The following ZNF250 variants were observed in gnomAD, a reference collection of about 807,000 sequenced individuals.
ZNF250 encodes zinc finger protein 250.
In ZNF250, 13 loss-of-function variants were observed where a neutral mutation model predicts 37.1. The ratio of observed to expected loss-of-function variants is 0.35; its 90% confidence interval spans 0.23 to 0.56. The LOEUF (loss-of-function observed/expected upper bound fraction) is 0.56. Among genes scored for constraint, ZNF250 ranks in the 20% least tolerant of loss-of-function variants. The pLI, the probability that ZNF250 is intolerant of heterozygous loss-of-function variation, is 0.87. For missense variants in ZNF250, 474 were observed against 697.9 expected (o/e 0.68, Z 3.61); for synonymous variants, 251 against 265.6 (o/e 0.94, Z 0.54).
intron 1 of ZNF250, among the ~76,000 whole-genome samples, chr8:144,894,321 A>G (rs1208054397): frequency 6.6e-6 from 1 of 151,710 alleles, no homozygotes; most frequent in African/African-American, 2.4e-5. Flanking sequence ...CAGCCCCTCC[A>G]TCTACCTTCC....
chr8:144,884,525 T>C, intron 5 of ZNF250, among the ~76,000 whole-genome samples: 1 of 152,228 alleles, frequency 6.6e-6, no homozygotes, highest in Non-Finnish European at 1.5e-5. Context: ...GTGCTGGGAT[T>C]ACAGGCAGGA....
At position 144,880,210 on chromosome 8, in the gene ZNF250, A is replaced by G. The variant is rs2129656507; in HGVS notation, c.*1305T>C. On this transcript the variant is annotated 3_prime_UTR_variant, in exon 6 of 6. Coordinates refer to ENST00000417550, the MANE Select transcript of ZNF250 (RefSeq NM_001109689.4). Reference sequence around the variant, plus strand: ...TGAACCAGGAGTAAAAAAATGAAAAAAAAAACCCCTTCAAATATAGGAATA... The same window carrying G: ...TGAACCAGGAGTAAAAAAATGAAAAGAAAAACCCCTTCAAATATAGGAATA... The G allele has an allele frequency of 4.3e-6, 1 of 232,436 alleles. No homozygotes were observed. The highest frequency in any genetic ancestry group is 5.2e-5 in the South Asian group (1 of 19,390). 14.4% of individuals were successfully genotyped at this position (232,436 alleles called of 1,614,324 possible). A position where few individuals can be genotyped will look rare whatever the true frequency, so the allele number is the denominator to read the frequency against.
In ZNF250 at chr8:144,878,881, T is replaced by C. The variant is rs1831279693; in HGVS notation, c.*2634A>G. On this transcript the variant is annotated 3_prime_UTR_variant, in exon 6 of 6. Coordinates refer to ENST00000417550, the MANE Select transcript of ZNF250 (RefSeq NM_001109689.4). ...AGTAAACCTCAGTGGTCAGAGCTACTCTGCAGTACCCACTAGTGATGTCAA... is the reference window on the plus strand; with the variant it reads ...AGTAAACCTCAGTGGTCAGAGCTACCCTGCAGTACCCACTAGTGATGTCAA... 6.6e-6 allele frequency: 1 copy of C among 152,240 alleles called. No homozygotes were observed. The highest frequency in any genetic ancestry group is 2.1e-4 in the South Asian group (1 of 4,832). The allele number at this position is 152,240 out of a possible 1,614,324, so 9.4% of individuals were successfully genotyped here.
chr8:144,890,125 T>C lies in ZNF250; in HGVS notation c.43-66A>G, dbSNP rs564889894. 3 of 1,576,818 alleles carry C rather than the reference T, an allele frequency of 1.9e-6. No individual in the cohort carries two copies. The highest frequency in any genetic ancestry group is 1.4e-5 in the African/African-American group (1 of 74,026). ...ATGTCTGTGATGGGGAGTGGGTGCA[T>C]GTGACATGTGACATGAGCAGTTGGC... is the stretch of plus-strand genomic sequence containing the variant. On this transcript the variant is annotated intron_variant, in intron 2 of 5. Coordinates refer to ENST00000417550, the MANE Select transcript of ZNF250 (RefSeq NM_001109689.4). This position sits in a 1 kb window ranked among gnomAD's most constrained non-coding sequence, Gnocchi z 5.1.
At chr8:144,887,888 G>A (rs1832007418) in intron 4 of ZNF250, among the ~76,000 whole-genome samples, 1 of 152,190 alleles carries the variant, frequency 6.6e-6, no homozygotes, top group Non-Finnish European at 1.5e-5. Context: ...CCAGTAAGAG[G>A]TAGACTGTAA....
At position 144,881,502 on chromosome 8, in the gene ZNF250, T is replaced by C. The variant is rs761115904; in HGVS notation, c.*13A>G. On this transcript the variant is annotated 3_prime_UTR_variant, in exon 6 of 6. Coordinates refer to ENST00000417550, the MANE Select transcript of ZNF250 (RefSeq NM_001109689.4). The stretch of plus-strand genomic sequence containing the variant: ...CAGTTTCTGTGAGAATGGATTCTTG[T>C]GTCAGCCATGGGTCACAACTTTCTG... The C allele has an allele frequency of 1.3e-6, 2 of 1,561,782 alleles. No individual in the cohort carries two copies. The highest frequency in any genetic ancestry group is 4.5e-5 in the East Asian group (2 of 44,278).
intron 4 of ZNF250, among the ~76,000 whole-genome samples, chr8:144,887,500 C>T (rs1831979831): frequency 6.6e-6 from 1 of 152,074 alleles, no homozygotes; most frequent in Non-Finnish European, 1.5e-5. Flanking sequence ...AAAACTCAGT[C>T]CCATCGTCCT....
intron 1 of ZNF250, among the ~76,000 whole-genome samples, chr8:144,892,505 T>C (rs1832413917): frequency 6.6e-6 from 1 of 152,190 alleles, no homozygotes; most frequent in African/African-American, 2.4e-5. Flanking sequence ...CAGTGGTTCC[T>C]TTAGTAACTT....
chr8:144,898,634 C>T (rs996095119), intron 1 of ZNF250, among the ~76,000 whole-genome samples: 3 of 152,142 alleles, frequency 2.0e-5, no homozygotes, highest in Non-Finnish European at 4.4e-5. Flanking sequence ...AGGAAACAAT[C>T]AGCAGAGTGA....
In ZNF250 at chr8:144,880,532, A is replaced by C. The variant is rs1209850; in HGVS notation, c.*983T>G. ...GAATTTTTACTAAAAAGTTAGCATAACCTTTCTGATCTTGAATAAAGTTAA... is the reference window on the plus strand; with the variant it reads ...GAATTTTTACTAAAAAGTTAGCATACCCTTTCTGATCTTGAATAAAGTTAA... On this transcript the variant is annotated 3_prime_UTR_variant, in exon 6 of 6. Coordinates refer to ENST00000417550, the MANE Select transcript of ZNF250 (RefSeq NM_001109689.4). The C allele has an allele frequency of 1.3e-5, 6 of 455,960 alleles. No individual in the cohort carries two copies. The highest frequency in any genetic ancestry group is 2.2e-5 in the Non-Finnish European group (5 of 226,652). The allele number at this position is 455,960 out of a possible 1,614,324, so 28.2% of individuals were successfully genotyped here.
intron 1 of ZNF250, among the ~76,000 whole-genome samples, chr8:144,893,915 A>C (rs920976245): frequency 6.6e-6 from 1 of 152,022 alleles, no homozygotes; most frequent in Non-Finnish European, 1.5e-5. Context: ...TGGCTGCTGG[A>C]TGATGCTGGC....
intron 4 of ZNF250, among the ~76,000 whole-genome samples, chr8:144,888,706 C>CT (rs1281284863): frequency 2.0e-5 from 3 of 151,226 alleles, no homozygotes; most frequent in Non-Finnish European, 2.9e-5. Flanking sequence ...GCAAACAATG[C>CT]TTTTTTCTTT....
rs1831547085 is a variant in ZNF250 at position 144,882,359 on chromosome 8, T to C, written c.824A>G (p.Glu275Gly). Residue 275 changes from glutamate (E) to glycine (G), a missense_variant, in exon 6 of 6, where the codon GAG becomes GGG. Physicochemically the swap from Glu to Gly is moderately conservative, Grantham distance 98. Transcript: ENST00000417550. This position sits in a 1 kb window ranked among gnomAD's most constrained non-coding sequence, Gnocchi z 5.5. The stretch of plus-strand genomic sequence containing the variant: ...ACACTCAAGACATTCGTGAGGCTTC[T>C]CTCCTGTATGTATCTTGTGATGCTG... ...LAQHHKIHTG[E>G]KPHECLECRK... The C allele has an allele frequency of 6.2e-7, 1 of 1,613,980 alleles. No individual in the cohort carries two copies.
rs540690511 is a variant in ZNF250, at chr8:144,897,742, T to C, written c.-55+3657A>G. ...ATTAACAGCAAGCCAGTCATTAGCA[T>C]TGTTTCTATAGATATTAATTTAACT... On this transcript the variant is annotated intron_variant, in intron 1 of 5. Transcript: ENST00000417550. The surrounding 1 kb of genome is among the most constrained non-coding windows in gnomAD (Gnocchi z 5.2). Among the ~76,000 whole-genome samples the C allele has an allele frequency of 7.9e-5, 12 of 152,326 alleles. No individual in the cohort carries two copies. The highest frequency in any genetic ancestry group is 7.7e-4 in the East Asian group (4 of 5,180).
In ZNF250 at chr8:144,881,440, C is replaced by A; in HGVS notation, c.*75G>T. On this transcript the variant is annotated 3_prime_UTR_variant, in exon 6 of 6. Transcript: ENST00000417550. ...AAGCTTCCTATAGAGTTAACAGAGA[C>A]TTCTCTTGGGCTGAAGGCTGCTTGT... 2.0e-6 allele frequency: 3 copies of A among 1,494,170 alleles called. No homozygotes were observed. The highest frequency in any genetic ancestry group is 4.8e-5 in the Admixed American group (2 of 41,302). The allele number at this position is 1,494,170 out of a possible 1,614,324, so 92.6% of individuals were successfully genotyped here. A position where few individuals can be genotyped will look rare whatever the true frequency, so the allele number is the denominator to read the frequency against.
rs774059894 is a variant in ZNF250 at position 144,882,845 on chromosome 8, AC to A, written c.347-10del. On this transcript the variant is annotated splice_polypyrimidine_tract_variant and intron_variant, in intron 5 of 5. Coordinates refer to ENST00000417550, the MANE Select transcript of ZNF250 (RefSeq NM_001109689.4). This position sits in a 1 kb window ranked among gnomAD's most constrained non-coding sequence, Gnocchi z 5.5. The stretch of plus-strand genomic sequence containing the variant: ...TCCCTTGGTTTCACATTCTGAAAGA[AC>A]AAATCCAAAATGAAAATGTTAACAC... 6.3e-7 allele frequency: 1 copy of A among 1,594,770 alleles called. No individual in the cohort carries two copies. Among genetic ancestry groups the A allele is most frequent in the Non-Finnish European group, 8.5e-7 (1 of 1,170,806 alleles).
chr8:144,894,412 T>G (rs1317935908), intron 1 of ZNF250, among the ~76,000 whole-genome samples: 1 of 152,032 alleles, frequency 6.6e-6, no homozygotes, highest in African/African-American at 2.4e-5. Flanking sequence ...CCAAACTTTG[T>G]GATTTTCCTC....
At chr8:144,899,470 C>T (rs1832962885) in intron 1 of ZNF250, among the ~76,000 whole-genome samples, 1 of 152,088 alleles carries the variant, frequency 6.6e-6, no homozygotes, top group Non-Finnish European at 1.5e-5. Context: ...TGTATGCTAT[C>T]CTTGTATCAA....
rs971931173 is a variant in ZNF250, at chr8:144,878,982, G to T, written c.*2533C>A. ...CCTCAGTGTACTCAGATCCTCTGAA[G>T]TAACAAAAATTGTCTCACTTTCTTT... On this transcript the variant is annotated 3_prime_UTR_variant, in exon 6 of 6. Transcript: ENST00000417550. The T allele has an allele frequency of 4.6e-5, 7 of 152,130 alleles. No individual in the cohort carries two copies. The highest frequency in any genetic ancestry group is 6.5e-5 in the Admixed American group (1 of 15,274). 9.4% of individuals were successfully genotyped at this position (152,130 alleles called of 1,614,324 possible).
Sources: allele counts gnomAD v4.1 joint callset (sites outside exome capture counted in the v4.1 genomes callset), GRCh38; gene constraint gnomAD v4.1.1; non-coding constraint Gnocchi (gnomAD v3.1); transcripts MANE v1.5; gene names NCBI Gene and HGNC (gene_info 2026-07-23, HGNC 2026-07-21).